The following CELSR2 variants were observed in gnomAD, a reference collection of about 807,000 sequenced individuals.
CELSR2 encodes EGF-like protein 2.
Under a neutral mutation model 251.6 loss-of-function variants are expected in CELSR2, and 81 were observed. The ratio of observed to expected loss-of-function variants is 0.32; its 90% CI spans 0.27 to 0.39. The LOEUF (loss-of-function observed/expected upper bound fraction) is 0.39, where lower values mean the gene tolerates loss of function less well. Ranked by LOEUF, CELSR2 falls within the 10% of genes least tolerant of loss-of-function variation. CELSR2 has a pLI of 1.00. For missense variants in CELSR2, 3,365 were observed against 3,947.7 expected (o/e 0.85, Z 3.96); for synonymous variants, 1,721 against 1,670.5 (o/e 1.03, Z -0.74).
At chr1:109,271,060 T>A in intron 25 of CELSR2, 21 bp downstream of exon 25, 1 of 1,592,736 alleles carries the variant, frequency 6.3e-7, no homozygotes, top group Non-Finnish European at 8.6e-7. Context: ...GCAGGTGGGT[T>A]GGGTGTCACC....
At chr1:109,266,398 C>CTGTTT in intron 15 of CELSR2, 192 bp downstream of exon 15, 1 of 661,766 alleles carries the variant, frequency 1.5e-6, no homozygotes, top group East Asian at 2.9e-5. Context: ...ACATCTTGGA[C>CTGTTT]TGTTTTGTTT....
intron 1 of CELSR2, among the ~76,000 whole-genome samples, chr1:109,254,424 G>A (rs1414532170): frequency 1.3e-5 from 2 of 152,210 alleles, no homozygotes; most frequent in Non-Finnish European, 2.9e-5. Context: ...GTTGGAGGGG[G>A]TTGGTGACAG....
Position 109,251,052 on chromosome 1 carries a change from C to A in CELSR2, c.973C>A (p.Leu325Met), listed in dbSNP as rs1234493701. The A allele has an allele frequency of 1.9e-6, 3 of 1,613,546 alleles. No homozygotes were observed. The highest frequency in any genetic ancestry group is 2.2e-5 in the East Asian group (1 of 44,874). The change falls in exon 1 of 34, where the codon CTG (leucine) becomes ATG (methionine). Residue 325 changes from leucine to methionine, a missense_variant. Transcript: ENST00000271332. The surrounding 1 kb of genome is among the most constrained non-coding windows in gnomAD (Gnocchi z 4.9). ...TGATGCCCCTCCCAATGCCAATATT[C>A]TGTACCGCCTGCTGGAGGGGTCTGG... ...DGDAPPNANILYRLLEGSGGS... is the reference protein window; with the variant it reads ...DGDAPPNANIMYRLLEGSGGS...
rs775210592 is a variant in CELSR2, at chr1:109,271,485, C to T, written c.7776C>T (p.Tyr2592=). The part of the protein sequence containing the change: ...SVNSDTLLFH[Y]LFATCNCIQG... ...ACAGCGACACCCTCCTCTTCCACTA[C>T]CTCTTTGCTACCTGCAATTGCATCC... Residue 2592 remains tyrosine (Y), a synonymous_variant, in exon 27 of 34, where the codon TAC becomes TAT. Transcript: ENST00000271332. 3 of 1,614,182 alleles carry T rather than the reference C, an allele frequency of 1.9e-6. No homozygotes were observed. Among genetic ancestry groups the T allele is most frequent in the South Asian group, 1.1e-5 (1 of 91,088 alleles).
In CELSR2 at chr1:109,268,935, C is replaced by A. The variant is rs1187061955; in HGVS notation, c.6558C>A (p.Arg2186=). ...ACTTTGCTGGGGCCAAGCTGCCCCG[C>A]TACGAGGCCCTGCGTGGGGAGCAGC... ...KGNFAGAKLP[R]YEALRGEQPP... is the part of the protein sequence containing the mutation. The change falls in exon 19 of 34, where the codon CGC becomes CGA. Residue 2186 remains arginine (R), a synonymous_variant. Coordinates refer to ENST00000271332, the MANE Select transcript of CELSR2 (RefSeq NM_001408.3). 6.2e-7 allele frequency: 1 copy of A among 1,613,464 alleles called. No homozygotes were observed. The highest frequency in any genetic ancestry group is 1.1e-5 in the South Asian group (1 of 91,042).
chr1:109,252,164 G>A lies in CELSR2; in HGVS notation c.2085G>A (p.Thr695=), dbSNP rs369571270. 3.2e-5 allele frequency: 51 copies of A among 1,613,828 alleles called. No homozygotes were observed. The highest frequency in any genetic ancestry group is 8.0e-5 in the African/African-American group (6 of 74,928). Residue 695 remains threonine (T), a synonymous_variant, in exon 1 of 34, where the codon ACG becomes ACA. Transcript: ENST00000271332. This position sits in a 1 kb window ranked among gnomAD's most constrained non-coding sequence, Gnocchi z 4.8. Reference sequence around the variant, plus strand: ...CCTCCGATGGCACTCGGCAGGACACGGCACAGATTGTGGTGAATGTCACCG... The same window carrying A: ...CCTCCGATGGCACTCGGCAGGACACAGCACAGATTGTGGTGAATGTCACCG... ...VTASDGTRQD[T]AQIVVNVTDA... is the part of the protein sequence containing the mutation.
At chr1:109,273,733 G>A in intron 33 of CELSR2, 63 bp downstream of exon 33, 2 of 1,302,140 alleles carry the variant, frequency 1.5e-6, no homozygotes, top group Non-Finnish European at 2.1e-6. Context: ...TGGGCCCAGA[G>A]CTGCCTCCGG....
In CELSR2 at chr1:109,252,497, C is replaced by G; in HGVS notation, c.2418C>G (p.Asn806Lys). The change falls in exon 1 of 34, where the codon AAC becomes AAG. Residue 806 changes from asparagine (N) to lysine (K), a missense_variant. By Grantham distance (94) the Asn-to-Lys change is moderately conservative (BLOSUM62 0). Transcript: ENST00000271332. This position sits in a 1 kb window ranked among gnomAD's most constrained non-coding sequence, Gnocchi z 4.8. ...CCACCTACCTGGAGATCCTGGTGAA[C>G]GACGTGAATGACAATGCCCCTCAGT... ...SDTTYLEILV[N>K]DVNDNAPQFL... 1 of 1,613,866 alleles carries G rather than the reference C, an allele frequency of 6.2e-7. No individual in the cohort carries two copies. Among genetic ancestry groups the G allele is most frequent in the Non-Finnish European group, 8.5e-7 (1 of 1,180,032 alleles).
At chr1:109,256,141 C>G (rs998000880) in intron 1 of CELSR2, among the ~76,000 whole-genome samples, 6 of 152,194 alleles carry the variant, frequency 3.9e-5, no homozygotes, top group African/African-American at 1.4e-4. Context: ...TACAAGAGCT[C>G]TGTGCCAGCT....
chr1:109,254,074 G>A (rs945532300), intron 1 of CELSR2, among the ~76,000 whole-genome samples: 3 of 152,228 alleles, frequency 2.0e-5, no homozygotes, highest in African/African-American at 4.8e-5. Context: ...TTCAGAGTCC[G>A]TGGTTCGGGT....
In CELSR2 at chr1:109,264,082, G is replaced by A. The variant is rs1166225604; in HGVS notation, c.5006G>A (p.Arg1669Gln). 3.8e-6 allele frequency: 6 copies of A among 1,574,638 alleles called. No homozygotes were observed. The highest frequency in any genetic ancestry group is 1.4e-5 in the African/African-American group (1 of 74,028). ...RGRSTITLQL[R>Q]EGHVMLSVEG... ...TTTCTTTCCTCCTGGTGTCAGCTAC[G>A]AGAGGGCCACGTGATGCTGAGCGTG... Residue 1669 changes from arginine to glutamine, a missense_variant, in exon 10 of 34, where the codon CGA (arginine) becomes CAA (glutamine). Physicochemically the swap from Arg to Gln is conservative, Grantham distance 43. Transcript: ENST00000271332.
At position 109,274,165 on chromosome 1, in the gene CELSR2, G is replaced by C. The variant is rs557127501; in HGVS notation, c.*116G>C. 2 of 1,598,440 alleles carry C rather than the reference G, an allele frequency of 1.3e-6. No homozygotes were observed. Among genetic ancestry groups the C allele is most frequent in the Non-Finnish European group, 1.7e-6 (2 of 1,174,732 alleles). On this transcript the variant is annotated 3_prime_UTR_variant, in exon 34 of 34. Coordinates refer to ENST00000271332, the MANE Select transcript of CELSR2 (RefSeq NM_001408.3). The stretch of plus-strand genomic sequence containing the variant: ...CTCCCCATCGCCTGCCCGCAGCAGC[G>C]ACGAAACGTCCATCTGAGGAGCCTG...
chr1:109,263,499 C>A, intron 8 of CELSR2, 112 bp from the exon 9 acceptor site: 1 of 1,468,996 alleles, frequency 6.8e-7, no homozygotes, highest in East Asian at 2.3e-5. Flanking sequence ...GAGGGCGGGG[C>A]TGATGAGGGG....
intron 1 of CELSR2, among the ~76,000 whole-genome samples, chr1:109,253,645 C>T (rs941681416): frequency 2.0e-5 from 3 of 152,178 alleles, no homozygotes; most frequent in South Asian, 2.1e-4. Flanking sequence ...CAGCCTGTGA[C>T]GTGGTCGGGG....
intron 18 of CELSR2, 25 bp from the exon 19 acceptor site, chr1:109,268,855 G>C (rs201171579): frequency 4.4e-6 from 7 of 1,592,472 alleles, no homozygotes; most frequent in South Asian, 1.1e-5. Context: ...TCACAGGTCC[G>C]ATCTGTGACC....
In CELSR2 at chr1:109,270,510, T is replaced by C. The variant is rs1331524275; in HGVS notation, c.7393T>C (p.Tyr2465His). 1.2e-6 allele frequency: 2 copies of C among 1,614,202 alleles called. No homozygotes were observed. The highest frequency in any genetic ancestry group is 2.2e-5 in the South Asian group (2 of 91,092). ...SWALLEALHL[Y>H]RALTEVRDVN... Reference sequence around the variant, plus strand: ...GGCTCTGCTGGAGGCCTTGCACCTGTACCGGGCACTCACTGAGGTGCGCGA... The same window carrying C: ...GGCTCTGCTGGAGGCCTTGCACCTGCACCGGGCACTCACTGAGGTGCGCGA... The change falls in exon 24 of 34, where the codon TAC (tyrosine) becomes CAC (histidine). Residue 2465 changes from tyrosine to histidine, a missense_variant. This residue lies in a region of CELSR2 where 2,093 missense variants were observed against 2,382.8 expected (regional missense o/e 0.88). Transcript: ENST00000271332.
rs1212870750 is a variant in CELSR2, at chr1:109,271,303, A to T, written c.7676+7A>T. On this transcript the variant is annotated splice_region_variant and intron_variant, in intron 26 of 33. Transcript: ENST00000271332. ...TTGAGAAGAAAGGTCCTGTGTGAGT[A>T]TAGGGTTGGGGTGCCTGGGCCATGG... is the stretch of plus-strand genomic sequence containing the variant. The T allele has an allele frequency of 6.2e-7, 1 of 1,613,718 alleles. No homozygotes were observed. Among genetic ancestry groups the T allele is most frequent in the Admixed American group, 1.7e-5 (1 of 60,026 alleles).
Position 109,265,290 on chromosome 1 carries a change from A to G in CELSR2, c.5706A>G (p.Thr1902=). The change falls in exon 13 of 34, where the codon ACA becomes ACG. Residue 1902 remains threonine (T), a synonymous_variant. Transcript: ENST00000271332. ...GCTTTGACCCAGACTGCAACAAGAC[A>G]AGCGGCGAGTGCCACTGCAAGGTGA... ...SKGFDPDCNK[T]SGECHCKENH... is the part of the protein sequence containing the mutation. 1 of 1,608,628 alleles carries G rather than the reference A, an allele frequency of 6.2e-7. No individual in the cohort carries two copies. The highest frequency in any genetic ancestry group is 1.1e-5 in the South Asian group (1 of 90,198).
intron 1 of CELSR2, among the ~76,000 whole-genome samples, chr1:109,257,812 C>G (rs1442076431): frequency 6.6e-6 from 1 of 152,206 alleles, no homozygotes; most frequent in East Asian, 1.9e-4. Context: ...GTGGGGCCCC[C>G]CAGGCTACCC....
Sources: allele counts gnomAD v4.1 joint callset (sites outside exome capture counted in the v4.1 genomes callset), GRCh38; gene constraint gnomAD v4.1.1; regional missense constraint gnomAD v4.1.1; non-coding constraint Gnocchi (gnomAD v3.1); transcripts MANE v1.5; gene names NCBI Gene and HGNC (gene_info 2026-07-23, HGNC 2026-07-21).